Variants in CAPN8 observed in about 807,000 individuals in gnomAD.
CAPN8 encodes calpain-8.
In CAPN8, 87 loss-of-function variants were observed where a neutral mutation model predicts 80.9. That is an observed-to-expected ratio of 1.07 (90% CI 0.90 to 1.28). CAPN8 has a LOEUF of 1.28. Among genes scored for constraint, CAPN8 ranks in the 50% most tolerant of loss-of-function variants. The pLI is 0.00. For missense variants in CAPN8, 757 were observed against 702.0 expected (o/e 1.08, Z -0.89); for synonymous variants, 299 against 273.8 (o/e 1.09, Z -0.91).
At chr1:223,616,459 G>T (rs1657192424) in intron 9 of CAPN8, among the ~76,000 whole-genome samples, 2 of 152,242 alleles carry the variant, frequency 1.3e-5, no homozygotes, top group South Asian at 4.1e-4. Context: ...ACACTGGGCA[G>T]CACTGCCTCC....
At chr1:223,634,832 G>T (rs904010013) in intron 2 of CAPN8, among the ~76,000 whole-genome samples, 1 of 152,200 alleles carries the variant, frequency 6.6e-6, no homozygotes, top group Non-Finnish European at 1.5e-5. Flanking sequence ...TGTTAGGATT[G>T]CAAGATATGA....
chr1:223,645,184 A>G (rs772304455), intron 2 of CAPN8, among the ~76,000 whole-genome samples: 1 of 152,208 alleles, frequency 6.6e-6, no homozygotes, highest in Non-Finnish European at 1.5e-5. Context: ...GGAAGCATCC[A>G]GCGCAGAAGA....
intron 2 of CAPN8, among the ~76,000 whole-genome samples, chr1:223,634,985 C>G (rs1572247763): frequency 1.3e-5 from 2 of 152,316 alleles, no homozygotes. Context: ...TTATGTTTCC[C>G]TCCCACTCAT....
chr1:223,548,459 A>G (rs530892791), intron 16 of CAPN8, among the ~76,000 whole-genome samples: 1 of 152,304 alleles, frequency 6.6e-6, no homozygotes, highest in African/African-American at 2.4e-5. Context: ...CTGAAACCCA[A>G]TCCTCATGTG....
intron 8 of CAPN8, 111 bp from the exon 9 acceptor site, chr1:223,619,564 G>C: frequency 8.9e-7 from 1 of 1,124,964 alleles, no homozygotes; most frequent in Middle Eastern, 2.3e-4. Flanking sequence ...GAGGCCGTGG[G>C]CTAGCTTGAT....
At chr1:223,632,944 C>G (rs1230270297) in intron 2 of CAPN8, among the ~76,000 whole-genome samples, 1 of 152,162 alleles carries the variant, frequency 6.6e-6, no homozygotes, top group African/African-American at 2.4e-5. Flanking sequence ...CTCCTTCTTC[C>G]CATCTGGAAA....
chr1:223,542,601 C>T (rs1257693687), intron 20 of CAPN8, among the ~76,000 whole-genome samples: 1 of 152,192 alleles, frequency 6.6e-6, no homozygotes, highest in Non-Finnish European at 1.5e-5. Context: ...TTCCTGCTGT[C>T]CCCTCTGGCC....
intron 16 of CAPN8, among the ~76,000 whole-genome samples, chr1:223,548,952 G>A (rs1656707362): frequency 6.9e-6 from 1 of 144,304 alleles, no homozygotes; most frequent in African/African-American, 2.5e-5. Flanking sequence ...GTGGGGGTGG[G>A]GACGGGTAGA....
At chr1:223,626,155 T>A (rs965104953) in intron 5 of CAPN8, among the ~76,000 whole-genome samples, 6 of 151,628 alleles carry the variant, frequency 4.0e-5, no homozygotes, top group African/African-American at 1.2e-4. Context: ...AACTGGGAAG[T>A]CATTTATTCT....
Position 223,650,531 on chromosome 1 carries a change from G to C in CAPN8, c.307+3799C>G, listed in dbSNP as rs980030687. Among the ~76,000 whole-genome samples the C allele has an allele frequency of 3.9e-5, 6 of 152,168 alleles. No homozygotes were observed. The East Asian group carries it at 1.2e-3, about 29-fold the overall frequency. On this transcript the variant is annotated intron_variant, in intron 2 of 20. Transcript: ENST00000366872. ...TACAATTATACTGAGGGAAAGTCTG[G>C]AATCATTAGTCGTCCTGTTTCCTGC... is the stretch of plus-strand genomic sequence containing the variant.
At chr1:223,548,270 G>A (rs1656682397) in intron 16 of CAPN8, among the ~76,000 whole-genome samples, 1 of 152,122 alleles carries the variant, frequency 6.6e-6, no homozygotes, top group Non-Finnish European at 1.5e-5. Context: ...TGTGATAAAT[G>A]GCAACCTGGA....
At chr1:223,647,848 C>T (rs1301385185) in intron 2 of CAPN8, among the ~76,000 whole-genome samples, 1 of 152,106 alleles carries the variant, frequency 6.6e-6, no homozygotes, top group Non-Finnish European at 1.5e-5. Context: ...GGAGAGGGGC[C>T]TGATAGACAA....
intron 1 of CAPN8, among the ~76,000 whole-genome samples, chr1:223,656,686 T>TG (rs769595966): frequency 0.069 from 9,216 of 132,686 alleles, 895 homozygotes; most frequent in East Asian, 0.26. Flanking sequence ...GTTTTGTTTT[T>TG]TTTTTTTTTT....
At chr1:223,647,881 G>C (rs545785503) in intron 2 of CAPN8, among the ~76,000 whole-genome samples, 64 of 152,320 alleles carry the variant, frequency 4.2e-4, no homozygotes, top group Admixed American at 3.7e-3. Flanking sequence ...ATGGCAGTGA[G>C]CAGACGTGGG....
intron 15 of CAPN8, 181 bp from the exon 16 acceptor site, chr1:223,549,563 C>T (rs1439782233): frequency 1.1e-6 from 1 of 906,614 alleles, no homozygotes; most frequent in Admixed American, 2.0e-5. Context: ...CCTCCTGGTG[C>T]CGTGGGAGAT....
At chr1:223,655,582 T>C (rs577329783) in intron 1 of CAPN8, among the ~76,000 whole-genome samples, 4 of 152,238 alleles carry the variant, frequency 2.6e-5, no homozygotes, top group African/African-American at 9.6e-5. Context: ...CAAACCAAGA[T>C]TGACATTATG....
At position 223,664,657 on chromosome 1, in the gene CAPN8, G is replaced by C. The variant is rs1018755563; in HGVS notation, c.237+753C>G. Among the ~76,000 whole-genome samples the C allele has an allele frequency of 5.9e-5, 9 of 152,188 alleles. 1 individual carries two copies. Among genetic ancestry groups the C allele is most frequent in the African/African-American group, 1.9e-4 (8 of 41,452 alleles). On this transcript the variant is annotated intron_variant, in intron 1 of 20. Transcript: ENST00000366872. ...TCACCATCTCTGAACAAGAGTTCAG[G>C]CTGGGTGTAGTGGCTCACATCTGTA...
rs373370601 is a variant in CAPN8, at chr1:223,638,669, C to T, written c.308-9889G>A. Among the ~76,000 whole-genome samples, 34 of 152,248 alleles carry T rather than the reference C, an allele frequency of 2.2e-4. No homozygotes were observed. The East Asian group carries it at 2.9e-3, about 13-fold the overall frequency. On this transcript the variant is annotated intron_variant, in intron 2 of 20. Coordinates refer to ENST00000366872, the MANE Select transcript of CAPN8 (RefSeq NM_001143962.2). ...GTAGGCAGGGGCTTCTGCTGACACC[C>T]CAGGCTCTGTGGTCCCTACTCTCCC...
At chr1:223,547,500 G>C (rs576619023) in intron 16 of CAPN8, among the ~76,000 whole-genome samples, 6 of 152,150 alleles carry the variant, frequency 3.9e-5, no homozygotes, top group African/African-American at 7.2e-5. Flanking sequence ...AGGAGTACAG[G>C]GTTTCTTTTT....
Sources: allele counts gnomAD v4.1 joint callset (sites outside exome capture counted in the v4.1 genomes callset), GRCh38; gene constraint gnomAD v4.1.1; transcripts MANE v1.5; gene names NCBI Gene and HGNC (gene_info 2026-07-23, HGNC 2026-07-21).